The following ARHGAP6 variants were observed in gnomAD, a reference collection of about 807,000 sequenced individuals.
ARHGAP6 encodes Rho GTPase activating protein 6, also known as rho GTPase-activating protein 6.
In ARHGAP6, 16 loss-of-function variants were observed where a neutral mutation model predicts 55.7. That is an observed-to-expected ratio of 0.29 (90% CI 0.19 to 0.44). ARHGAP6 has a LOEUF of 0.44. Ranked by LOEUF, ARHGAP6 falls within the 20% of genes least tolerant of loss-of-function variation. The pLI is 1.00. For missense variants in ARHGAP6, 698 were observed against 808.9 expected (o/e 0.86, Z 1.66); for synonymous variants, 382 against 360.9 (o/e 1.06, Z -0.66).
At chrX:11,275,311 G>A (rs938181435) in intron 1 of ARHGAP6, among the ~76,000 whole-genome samples, 1 of 111,830 alleles carries the variant, frequency 8.9e-6, no homozygotes, top group Non-Finnish European at 1.9e-5. Context: ...GTATGCAAAT[G>A]CATCTTGCTT....
At chrX:11,350,271 G>C (rs1292799295) in intron 1 of ARHGAP6, among the ~76,000 whole-genome samples, 3 of 112,146 alleles carry the variant, frequency 2.7e-5, no homozygotes, top group Non-Finnish European at 5.6e-5. Context: ...ATCTTTTAAA[G>C]AGAACCTAGA....
chrX:11,533,702 A>C (rs10449066), intron 1 of ARHGAP6, among the ~76,000 whole-genome samples: 2,171 of 112,280 alleles, frequency 0.019, 29 homozygotes, highest in Middle Eastern at 0.06. Flanking sequence ...AAATGTTCAC[A>C]GGTCCCACAT....
intron 1 of ARHGAP6, among the ~76,000 whole-genome samples, chrX:11,317,105 A>T (rs895199652): frequency 1.8e-4 from 20 of 112,501 alleles, no homozygotes; most frequent in African/African-American, 6.5e-4. Context: ...AGCCTTTTGT[A>T]CTATAGGCAC....
At chrX:11,427,752 C>T in intron 1 of ARHGAP6, 6 of 764,225 alleles carry the variant, frequency 7.9e-6, no homozygotes, top group Non-Finnish European at 9.3e-6. Context: ...GGCACAGCGT[C>T]CCGCTGCCGC....
chrX:11,358,778 G>A (rs773721945), intron 1 of ARHGAP6, among the ~76,000 whole-genome samples: 2 of 111,499 alleles, frequency 1.8e-5, no homozygotes, highest in East Asian at 2.8e-4. Context: ...CACCGTGCCC[G>A]GCCTTAACTA....
At chrX:11,374,102 G>T (rs777090433) in intron 1 of ARHGAP6, among the ~76,000 whole-genome samples, 1 of 111,970 alleles carries the variant, frequency 8.9e-6, no homozygotes, top group East Asian at 2.8e-4. Context: ...TTGAGGTAAA[G>T]GACTGGAGTT....
chrX:11,465,987 C>G (rs1043646072), intron 1 of ARHGAP6, among the ~76,000 whole-genome samples: 2 of 111,033 alleles, frequency 1.8e-5, no homozygotes, highest in Admixed American at 1.9e-4. Flanking sequence ...TCCTCTTCCT[C>G]CTCCTCCATG....
chrX:11,515,435 A>G (rs2050828759), intron 1 of ARHGAP6, among the ~76,000 whole-genome samples: 1 of 111,837 alleles, frequency 8.9e-6, no homozygotes, highest in South Asian at 3.8e-4. Context: ...TTTCATCAAA[A>G]TTATCAGTTT....
At chrX:11,612,856 T>C (rs901408166) in intron 1 of ARHGAP6, among the ~76,000 whole-genome samples, 1 of 112,583 alleles carries the variant, frequency 8.9e-6, no homozygotes, top group Non-Finnish European at 1.9e-5. Context: ...CTAGTCCTTC[T>C]ACATTCTCAC....
intron 7 of ARHGAP6, among the ~76,000 whole-genome samples, chrX:11,178,829 TTTC>T (rs2046272413): frequency 8.9e-6 from 1 of 112,049 alleles, no homozygotes; most frequent in South Asian, 3.8e-4. Flanking sequence ...TCCTCCTTTT[TTTC>T]TTCTTCATGG....
chrX:11,536,585 C>T (rs781017493), intron 1 of ARHGAP6, among the ~76,000 whole-genome samples: 17 of 112,205 alleles, frequency 1.5e-4, no homozygotes, highest in Non-Finnish European at 2.6e-4. Context: ...ATGCAAATCA[C>T]ACTCTGTTTA....
chrX:11,182,221 G>C, intron 5 of ARHGAP6, 103 bp from the exon 6 acceptor site: 1 of 591,004 alleles, frequency 1.7e-6, no homozygotes, highest in Admixed American at 3.1e-5. Context: ...GTAACATGTA[G>C]AGCAATAGTA....
chrX:11,350,562 A>C (rs1011712830), intron 1 of ARHGAP6, among the ~76,000 whole-genome samples: 1 of 112,225 alleles, frequency 8.9e-6, no homozygotes, highest in Non-Finnish European at 1.9e-5. Flanking sequence ...AGACTGCCTA[A>C]GAACCCAGCA....
chrX:11,581,481 A>G (rs1398012011), intron 1 of ARHGAP6, among the ~76,000 whole-genome samples: 1 of 112,046 alleles, frequency 8.9e-6, no homozygotes, highest in Admixed American at 9.5e-5. Context: ...TCACTGCAGC[A>G]TTATTCCCTA....
chrX:11,300,858 T>C, intron 1 of ARHGAP6: 1 of 283,849 alleles, frequency 3.5e-6, no homozygotes, highest in Non-Finnish European at 6.4e-6. Flanking sequence ...ACTGCTCATT[T>C]AGTCATACAA....
intron 1 of ARHGAP6, among the ~76,000 whole-genome samples, chrX:11,286,285 G>T (rs186633348): frequency 1.2e-4 from 13 of 111,538 alleles, no homozygotes; most frequent in African/African-American, 4.2e-4. Flanking sequence ...GTGAGATTTT[G>T]GTGCACCCAT....
At chrX:11,347,494 G>T in intron 1 of ARHGAP6, among the ~76,000 whole-genome samples, 1 of 112,136 alleles carries the variant, frequency 8.9e-6, no homozygotes, top group Non-Finnish European at 1.9e-5. Flanking sequence ...ATAAAACAGA[G>T]AGTGCAGAGC....
At chrX:11,286,638 G>A (rs1241481339) in intron 1 of ARHGAP6, among the ~76,000 whole-genome samples, 4 of 111,423 alleles carry the variant, frequency 3.6e-5, no homozygotes, top group Non-Finnish European at 5.6e-5. Context: ...TGCGATGTCC[G>A]GAGACACTTT....
chrX:11,572,366 G>A (rs2051532880), intron 1 of ARHGAP6, among the ~76,000 whole-genome samples: 1 of 108,746 alleles, frequency 9.2e-6, no homozygotes, highest in African/African-American at 3.4e-5. Flanking sequence ...AGTCATCAGA[G>A]TGTGATGTTC....
Sources: gnomAD v4.1 joint callset for allele counts (sites outside exome capture counted in the v4.1 genomes callset) on GRCh38, gnomAD v4.1.1 for gene constraint, MANE v1.5 for transcripts, NCBI Gene and HGNC (gene_info 2026-07-23, HGNC 2026-07-21) for gene names.